SCAI: variants seen among roughly 807,000 people sequenced by gnomAD.
The protein encoded by SCAI is suppressor of cancer cell invasion, also known as protein SCAI.
Under a neutral mutation model 92.2 loss-of-function variants are expected in SCAI, and 24 were observed. That is an observed-to-expected ratio of 0.26 (90% CI 0.19 to 0.37). SCAI has a LOEUF of 0.37. SCAI is among the 10% of genes least tolerant of loss of function. The probability of loss-of-function intolerance (pLI) is 1.00; values close to 1 mark genes in which losing one functional copy is unlikely to be tolerated. For synonymous variants in SCAI, 261 were observed against 258.6 expected, an observed-to-expected ratio of 1.01 and a Z score of -0.09; for missense variants, 450 against 736.2, an observed-to-expected ratio of 0.61 and a Z score of 4.50.
At chr9:125,111,562 T>G (rs1191415171) in intron 2 of SCAI, among the ~76,000 whole-genome samples, 1 of 150,820 alleles carries the variant, frequency 6.6e-6, no homozygotes, top group African/African-American at 2.4e-5. Flanking sequence ...TGTGAAAATT[T>G]TTTTTTTTTT....
chr9:125,004,159 G>C (rs1832423042), intron 9 of SCAI, among the ~76,000 whole-genome samples: 1 of 151,944 alleles, frequency 6.6e-6, no homozygotes, highest in African/African-American at 2.4e-5. Flanking sequence ...CTGGGTAACA[G>C]AGAAAGACTC....
chr9:124,990,427 T>G lies in SCAI; in HGVS notation c.1326+4507A>C, dbSNP rs1276789840. Among the ~76,000 whole-genome samples the G allele has an allele frequency of 3.7e-4, 57 of 152,094 alleles. 1 individual carries two copies. The highest frequency in any genetic ancestry group is 3.7e-3 in the Admixed American group (57 of 15,260). ...TCGCTTGAACCCAGGAGGCGGAAGT[T>G]GCAGTGAGCCAAGATCGCACCATTG... is the stretch of plus-strand genomic sequence containing the variant. On this transcript the variant is annotated intron_variant, in intron 14 of 17. Transcript: ENST00000336505.
intron 2 of SCAI, among the ~76,000 whole-genome samples, chr9:125,085,489 A>C (rs562449814): frequency 6.6e-6 from 1 of 152,048 alleles, no homozygotes; most frequent in South Asian, 2.1e-4. Flanking sequence ...CTCTGTCTCA[A>C]AAAAGAAAAA....
chr9:125,030,342 G>A (rs1204921332), intron 3 of SCAI, among the ~76,000 whole-genome samples: 1 of 152,160 alleles, frequency 6.6e-6, no homozygotes, highest in African/African-American at 2.4e-5. Context: ...AAAATTAAGA[G>A]CACTGAGTGT....
rs75967576 is a variant in SCAI, at chr9:125,085,645, G to A, written c.99-29638C>T. 7.0e-3 allele frequency among the ~76,000 whole-genome samples: 1,066 copies of A among 152,312 alleles called. 14 individuals carry two copies. Among genetic ancestry groups the A allele is most frequent in the African/African-American group, 0.025 (1,022 of 41,564 alleles). On this transcript the variant is annotated intron_variant, in intron 2 of 17. Coordinates refer to ENST00000336505, the MANE Select transcript of SCAI (RefSeq NM_001144877.3). ...CCCATCAAAAACTTAGCCAGGTGTT[G>A]TGGTGCACACCTATAGTCTCAGCTA...
intron 14 of SCAI, among the ~76,000 whole-genome samples, chr9:124,989,216 C>T (rs886664655): frequency 6.6e-6 from 1 of 152,106 alleles, no homozygotes; most frequent in African/African-American, 2.4e-5. Context: ...AGAGAAGATT[C>T]TATACGTTTC....
chr9:124,977,216 C>A (rs1405862652), intron 14 of SCAI, among the ~76,000 whole-genome samples: 1 of 152,272 alleles, frequency 6.6e-6, no homozygotes. Context: ...AATGTCATTA[C>A]ACTAACTTAT....
At chr9:124,984,738 T>C (rs1263044223) in intron 14 of SCAI, among the ~76,000 whole-genome samples, 1 of 152,082 alleles carries the variant, frequency 6.6e-6, no homozygotes, top group Admixed American at 6.5e-5. Context: ...TAACTAAAGA[T>C]ATGGAGTAGG....
chr9:124,968,678 AG>A lies in SCAI; in HGVS notation c.1674+2691del. ...CATCTACAGAGCCTGGGTGGCCCAA[AG>A]TTCCCGATTTCCTCAAATTCATCAA... is the stretch of plus-strand genomic sequence containing the variant. On this transcript the variant is annotated intron_variant, in intron 17 of 17. Coordinates refer to ENST00000336505, the MANE Select transcript of SCAI (RefSeq NM_001144877.3). 3 of 1,336,960 alleles carry A rather than the reference AG, an allele frequency of 2.2e-6. No individual in the cohort carries two copies. In the Admixed American group the frequency reaches 5.0e-5, roughly 22 times the overall value. 82.8% of individuals were successfully genotyped at this position (1,336,960 alleles called of 1,614,324 possible). A position where few individuals can be genotyped will look rare whatever the true frequency, so the allele number is the denominator to read the frequency against.
At chr9:125,075,564 A>ATT (rs573518384) in intron 2 of SCAI, among the ~76,000 whole-genome samples, 7 of 130,014 alleles carry the variant, frequency 5.4e-5, no homozygotes, top group Non-Finnish European at 8.3e-5. Context: ...CGTCCAGCTA[A>ATT]TTTTTTTTTT....
In SCAI at chr9:125,142,441, GA is replaced by G. The variant is rs951008338; in HGVS notation, c.98+191del. 558 of 426,682 alleles carry G rather than the reference GA, an allele frequency of 1.3e-3. 3 individuals carry two copies. The highest frequency in any genetic ancestry group is 2.8e-3 in the South Asian group (76 of 27,416). 26.4% of individuals were successfully genotyped at this position (426,682 alleles called of 1,614,324 possible). A position where few individuals can be genotyped will look rare whatever the true frequency, so the allele number is the denominator to read the frequency against. ...TTTCCCACATTATCTTAGATACCAA[GA>G]AAAAAAAAATCGACTGTAGAGGTAG... On this transcript the variant is annotated intron_variant, in intron 2 of 17. Transcript: ENST00000336505.
intron 2 of SCAI, among the ~76,000 whole-genome samples, chr9:125,101,783 G>T (rs534678797): frequency 5.6e-4 from 85 of 152,288 alleles, no homozygotes; most frequent in African/African-American, 2.0e-3. Flanking sequence ...CCCCCTAAAT[G>T]TATTTCTCAG....
At chr9:125,104,666 G>A (rs1052963579) in intron 2 of SCAI, among the ~76,000 whole-genome samples, 7 of 151,244 alleles carry the variant, frequency 4.6e-5, no homozygotes. Context: ...CACTTTGGGA[G>A]GGTGAGGCAG....
chr9:125,081,098 T>C (rs1473066467), intron 2 of SCAI, among the ~76,000 whole-genome samples: 1 of 152,236 alleles, frequency 6.6e-6, no homozygotes, highest in East Asian at 1.9e-4. Flanking sequence ...ATTAAACCTC[T>C]TTCTTTTGTA....
intron 2 of SCAI, among the ~76,000 whole-genome samples, chr9:125,100,106 C>T (rs1000129904): frequency 3.9e-5 from 6 of 152,226 alleles, no homozygotes; most frequent in Non-Finnish European, 7.3e-5. Context: ...TTTTAAGGAA[C>T]TGCCATACTT....
intron 2 of SCAI, among the ~76,000 whole-genome samples, chr9:125,127,787 C>A (rs1835309372): frequency 6.6e-6 from 1 of 152,066 alleles, no homozygotes; most frequent in Admixed American, 6.6e-5. Flanking sequence ...GTGGGTGGAT[C>A]AACTGAGGTC....
At chr9:125,104,971 A>G (rs1413238977) in intron 2 of SCAI, among the ~76,000 whole-genome samples, 3 of 151,426 alleles carry the variant, frequency 2.0e-5, no homozygotes, top group Non-Finnish European at 4.4e-5. Context: ...AAAAAAAAAA[A>G]AAAAATTTAG....
rs1213763061 is a variant in SCAI, at chr9:124,948,864, T to A, written c.*3943A>T. 1 of 152,246 alleles carries A rather than the reference T, an allele frequency of 6.6e-6. No homozygotes were observed. Among genetic ancestry groups the A allele is most frequent in the Non-Finnish European group, 1.5e-5 (1 of 68,044 alleles). 9.4% of individuals were successfully genotyped at this position (152,246 alleles called of 1,614,324 possible). The stretch of plus-strand genomic sequence containing the variant: ...TTGCTCTGTTCTTAGTTCCAATATT[T>A]AAATTTTTATGAATTATAAAATTAA... On this transcript the variant is annotated 3_prime_UTR_variant, in exon 18 of 18. Transcript: ENST00000336505.
intron 2 of SCAI, among the ~76,000 whole-genome samples, chr9:125,137,595 G>GA (rs1191564238): frequency 1.3e-5 from 2 of 152,076 alleles, no homozygotes; most frequent in Admixed American, 1.3e-4. Context: ...AGAAGTATAA[G>GA]AAGCAATCTT....
Sources: allele counts gnomAD v4.1 joint callset (sites outside exome capture counted in the v4.1 genomes callset), GRCh38; gene constraint gnomAD v4.1.1; transcripts MANE v1.5; gene names NCBI Gene and HGNC (gene_info 2026-07-23, HGNC 2026-07-21).